The following GRID2 variants were observed in gnomAD, a reference collection of about 807,000 sequenced individuals.
GRID2 encodes the protein glutamate ionotropic receptor delta type subunit 2.
Under a neutral mutation model 114.8 loss-of-function variants are expected in GRID2, and 33 were observed. The observed-to-expected ratio is 0.29, with a 90% CI of 0.22 to 0.38. GRID2 has a LOEUF of 0.38. Among genes scored for constraint, GRID2 ranks in the 10% least tolerant of loss-of-function variants. The probability of loss-of-function intolerance (pLI) is 1.00; values close to 1 mark genes in which losing one functional copy is unlikely to be tolerated. For missense variants in GRID2, 1,184 were observed against 1,257.7 expected, an observed-to-expected ratio of 0.94 and a Z score of 0.89; for synonymous variants, 505 against 449.9, an observed-to-expected ratio of 1.12 and a Z score of -1.55.
chr4:92,449,980 A>G (rs1356001509), intron 1 of GRID2, among the ~76,000 whole-genome samples: 1 of 151,884 alleles, frequency 6.6e-6, no homozygotes, highest in East Asian at 1.9e-4. Flanking sequence ...AGCATGTAAA[A>G]CATAATTCAT....
chr4:92,611,104 A>ATATGTGTGTG (rs942286679), intron 2 of GRID2, among the ~76,000 whole-genome samples: 2 of 137,516 alleles, frequency 1.5e-5, no homozygotes, highest in Non-Finnish European at 3.3e-5. Context: ...GTGTGTGTGT[A>ATATGTGTGTG]TATGTGTGTG....
chr4:92,448,727 T>G (rs1300537620), intron 1 of GRID2, among the ~76,000 whole-genome samples: 1 of 152,156 alleles, frequency 6.6e-6, no homozygotes, highest in African/African-American at 2.4e-5. Flanking sequence ...TTTCAATTAT[T>G]AAAATCAAAT....
intron 8 of GRID2, among the ~76,000 whole-genome samples, chr4:93,267,290 ACT>A (rs1185526645): frequency 1.3e-5 from 2 of 151,806 alleles, no homozygotes; most frequent in African/African-American, 4.8e-5. Context: ...GCACCCACTA[ACT>A]CTACGCTGGG....
intron 2 of GRID2, among the ~76,000 whole-genome samples, chr4:92,847,753 CAAAT>C (rs1743443714): frequency 6.6e-6 from 1 of 151,984 alleles, no homozygotes; most frequent in African/African-American, 2.4e-5. Flanking sequence ...GGAATGGAAT[CAAAT>C]AAAATAATCT....
intron 2 of GRID2, among the ~76,000 whole-genome samples, chr4:93,051,862 T>C (rs1046049685): frequency 1.3e-5 from 2 of 151,942 alleles, no homozygotes; most frequent in Non-Finnish European, 2.9e-5. Flanking sequence ...CCGAGTTTTC[T>C]TTTGCTTGTT....
At chr4:93,712,578 A>G (rs1309024577) in intron 14 of GRID2, among the ~76,000 whole-genome samples, 1 of 152,168 alleles carries the variant, frequency 6.6e-6, no homozygotes, top group African/African-American at 2.4e-5. Flanking sequence ...TCTCCTCCCC[A>G]AAATTATAAA....
chr4:93,116,819 C>T lies in GRID2; in HGVS notation c.735+5866C>T, dbSNP rs140197477. On this transcript the variant is annotated intron_variant, in intron 4 of 15. Transcript: ENST00000282020. ...CTGTGTAGAGGCAAGAGTTATAGTG[C>T]TGTTGGCCACAAGTTCAATGATAAT... 4.8e-3 allele frequency among the ~76,000 whole-genome samples: 727 copies of T among 151,668 alleles called. 4 individuals carry two copies. The highest frequency in any genetic ancestry group is 0.017 in the African/African-American group (693 of 41,320).
chr4:93,082,404 G>C (rs184298941), intron 2 of GRID2, among the ~76,000 whole-genome samples: 226 of 152,188 alleles, frequency 1.5e-3, no homozygotes, highest in Non-Finnish European at 2.4e-3. Context: ...TTTTTAAGTG[G>C]GTGCATTTGT....
chr4:92,631,007 A>C (rs1488985018), intron 2 of GRID2, among the ~76,000 whole-genome samples: 1 of 151,602 alleles, frequency 6.6e-6, no homozygotes, highest in African/African-American at 2.4e-5. Flanking sequence ...ATTAATGAGT[A>C]TAATGAGAAA....
Position 92,695,794 on chromosome 4 carries a change from A to G in GRID2, c.244+105508A>G, listed in dbSNP as rs557347028. ...GGAACTGGCTTGCTATTATCCTGCC[A>G]TTTACCCAGAAGGACAGATGTCTCA... is the stretch of plus-strand genomic sequence containing the variant. On this transcript the variant is annotated intron_variant, in intron 2 of 15. Transcript: ENST00000282020. 2.0e-5 allele frequency among the ~76,000 whole-genome samples: 3 copies of G among 152,240 alleles called. No homozygotes were observed. The South Asian group carries it at 6.2e-4, about 32-fold the overall frequency.
intron 2 of GRID2, among the ~76,000 whole-genome samples, chr4:92,915,251 C>A (rs990026978): frequency 1.3e-5 from 2 of 152,102 alleles, no homozygotes; most frequent in African/African-American, 4.8e-5. Flanking sequence ...GGGATTATGT[C>A]CTATTAGCCT....
chr4:92,320,313 G>A (rs1475769433), intron 1 of GRID2, among the ~76,000 whole-genome samples: 3 of 152,072 alleles, frequency 2.0e-5, no homozygotes, highest in Non-Finnish European at 2.9e-5. Context: ...CAAATTCAAC[G>A]TTAATAGTGT....
In GRID2 at chr4:93,385,625, C is replaced by T. The variant is rs957743327; in HGVS notation, c.1246-9982C>T. ...GTCTAGTAGGGGACATAAGTTATTTCGTAAGCTTCCCCTTTATAAATATCA... is the reference window on the plus strand; with the variant it reads ...GTCTAGTAGGGGACATAAGTTATTTTGTAAGCTTCCCCTTTATAAATATCA... On this transcript the variant is annotated intron_variant, in intron 8 of 15. Transcript: ENST00000282020. 4.9e-4 allele frequency among the ~76,000 whole-genome samples: 74 copies of T among 151,986 alleles called. 1 individual carries two copies. The highest frequency in any genetic ancestry group is 3.9e-3 in the Admixed American group (60 of 15,256).
rs141400511 is a variant in GRID2 at position 92,967,465 on chromosome 4, T to C, written c.245-117530T>C. Among the ~76,000 whole-genome samples, 95 of 151,908 alleles carry C rather than the reference T, an allele frequency of 6.3e-4. 1 individual carries two copies. The East Asian group carries it at 0.012, about 19-fold the overall frequency. On this transcript the variant is annotated intron_variant, in intron 2 of 15. Transcript: ENST00000282020. ...TTATTATTCATTTGTTTATCTTAGCTCTGTAGCTTTTATTTATTTATATGT... is the reference window on the plus strand; with the variant it reads ...TTATTATTCATTTGTTTATCTTAGCCCTGTAGCTTTTATTTATTTATATGT...
intron 2 of GRID2, among the ~76,000 whole-genome samples, chr4:92,596,337 C>T (rs1461480426): frequency 2.6e-5 from 4 of 152,032 alleles, no homozygotes; most frequent in African/African-American, 7.2e-5. Flanking sequence ...CAATGTCTAT[C>T]CCAGTGCTCT....
At chr4:93,730,965 GC>G (rs775418310) in intron 14 of GRID2, among the ~76,000 whole-genome samples, 7 of 152,182 alleles carry the variant, frequency 4.6e-5, no homozygotes, top group Non-Finnish European at 1.0e-4. Context: ...TGCACACCAA[GC>G]CCGGCGTGGG....
chr4:93,258,697 G>T (rs933528547), intron 8 of GRID2, among the ~76,000 whole-genome samples: 1 of 151,718 alleles, frequency 6.6e-6, no homozygotes, highest in Non-Finnish European at 1.5e-5. Context: ...TATTAGTTAT[G>T]CAGTGCCATA....
intron 13 of GRID2, among the ~76,000 whole-genome samples, chr4:93,590,031 T>C (rs1386372342): frequency 6.6e-6 from 1 of 150,570 alleles, no homozygotes; most frequent in East Asian, 1.9e-4. Context: ...GTAGTTTCTT[T>C]TGCTGTGCAG....
At chr4:93,096,133 C>T (rs1731209989) in intron 3 of GRID2, among the ~76,000 whole-genome samples, 7 of 151,878 alleles carry the variant, frequency 4.6e-5, no homozygotes, top group South Asian at 2.1e-4. Flanking sequence ...GTTTAAGCAA[C>T]ATTGCTGAAC....
Sources: allele counts gnomAD v4.1 joint callset (sites outside exome capture counted in the v4.1 genomes callset), GRCh38; gene constraint gnomAD v4.1.1; transcripts MANE v1.5; gene names NCBI Gene and HGNC (gene_info 2026-07-23, HGNC 2026-07-21).